MYT1L: variants seen among roughly 807,000 people sequenced by gnomAD.
The protein encoded by MYT1L is myelin transcription factor 1 like.
MYT1L carries 12 observed loss-of-function variants against 126.7 expected under a neutral mutation model. The ratio of observed to expected loss-of-function variants is 0.09; its 90% CI spans 0.06 to 0.15. MYT1L has a LOEUF of 0.15. Among genes scored for constraint, MYT1L ranks in the 10% least tolerant of loss-of-function variants. MYT1L has a pLI of 1.00. For synonymous variants in MYT1L, 541 were observed against 604.2 expected (o/e 0.90, Z 1.53); for missense variants, 979 against 1,585.2 (o/e 0.62, Z 6.49).
chr2:2,037,067 A>C (rs945815552), intron 4 of MYT1L, among the ~76,000 whole-genome samples: 2 of 152,182 alleles, frequency 1.3e-5, no homozygotes, highest in Non-Finnish European at 2.9e-5. Flanking sequence ...CCCCCCGCTT[A>C]GGGCTGACTC....
At chr2:1,797,872 C>G (rs73913411) in intron 23 of MYT1L, among the ~76,000 whole-genome samples, 1 of 134,404 alleles carries the variant, frequency 7.4e-6, no homozygotes, top group Non-Finnish European at 1.6e-5. Flanking sequence ...GGTCTCCCCC[C>G]ATCCGGCACA....
intron 2 of MYT1L, among the ~76,000 whole-genome samples, chr2:2,249,741 C>A (rs1217168078): frequency 6.6e-6 from 1 of 151,974 alleles, no homozygotes. Flanking sequence ...AAGAGACAAC[C>A]TACAGAAAGG....
At chr2:2,273,969 G>A (rs998826455) in intron 2 of MYT1L, among the ~76,000 whole-genome samples, 1 of 151,980 alleles carries the variant, frequency 6.6e-6, no homozygotes. Context: ...GAACACTAAT[G>A]AAATACTTTT....
chr2:2,033,343 T>C (rs1221226770), intron 4 of MYT1L, among the ~76,000 whole-genome samples: 2 of 143,096 alleles, frequency 1.4e-5, no homozygotes, highest in African/African-American at 5.3e-5. Flanking sequence ...CCTCTCATCC[T>C]GTGGCCCAGA....
chr2:1,962,858 A>C lies in MYT1L; in HGVS notation c.152+16307T>G, dbSNP rs374030102. Among the ~76,000 whole-genome samples the C allele has an allele frequency of 1.8e-4, 28 of 152,210 alleles. No individual in the cohort carries two copies. In the East Asian group the frequency reaches 2.3e-3, roughly 13 times the overall value. ...CATCTGCAGTGACTTCCTCTGCTGA[A>C]GTCTTGAACCCCTCAAAGTCGTCCA... On this transcript the variant is annotated intron_variant, in intron 8 of 24. Transcript: ENST00000647738.
chr2:1,978,348 A>T (rs1256679138), intron 8 of MYT1L, among the ~76,000 whole-genome samples: 1 of 152,198 alleles, frequency 6.6e-6, no homozygotes, highest in Non-Finnish European at 1.5e-5. Flanking sequence ...TAAAAGTAAA[A>T]CATACTTTAG....
intron 3 of MYT1L, among the ~76,000 whole-genome samples, chr2:2,138,159 A>T (rs2083338461): frequency 6.6e-6 from 1 of 152,192 alleles, no homozygotes; most frequent in African/African-American, 2.4e-5. Flanking sequence ...ATCTCACACC[A>T]GTTAGAATGG....
chr2:1,922,794 G>A lies in MYT1L; in HGVS notation c.975C>T (p.Ser325=), dbSNP rs778387197. The A allele has an allele frequency of 3.1e-6, 5 of 1,613,946 alleles. No homozygotes were observed. Among genetic ancestry groups the A allele is most frequent in the Non-Finnish European group, 3.4e-6 (4 of 1,179,898 alleles). ...VEESDEEVCL[S]SLECLRNQCF... ...ACTGATTCCTCAAACACTCCAGACT[G>A]CTCAGACACACCTCCTCATCGCTCT... Residue 325 remains serine (S), a synonymous_variant, in exon 10 of 25, where the codon AGC becomes AGT. Transcript: ENST00000647738. This position sits in a 1 kb window ranked among gnomAD's most constrained non-coding sequence, Gnocchi z 7.4.
chr2:2,211,950 A>G (rs1158410911), intron 2 of MYT1L, among the ~76,000 whole-genome samples: 1 of 152,106 alleles, frequency 6.6e-6, no homozygotes, highest in South Asian at 2.1e-4. Context: ...TATAACTCTC[A>G]TAAATCTATT....
intron 4 of MYT1L, among the ~76,000 whole-genome samples, chr2:2,012,280 G>T (rs1489329032): frequency 1.3e-5 from 2 of 152,166 alleles, no homozygotes; most frequent in Non-Finnish European, 2.9e-5. Flanking sequence ...ATATATATCT[G>T]CCATAAAAAG....
At chr2:1,805,917 A>G (rs1340349502) in intron 22 of MYT1L, among the ~76,000 whole-genome samples, 1 of 152,124 alleles carries the variant, frequency 6.6e-6, no homozygotes, top group Non-Finnish European at 1.5e-5. Flanking sequence ...TTCCACATCT[A>G]CAGCAAGGGC....
intron 1 of MYT1L, among the ~76,000 whole-genome samples, chr2:2,289,773 G>A (rs184173926): frequency 2.8e-4 from 43 of 152,332 alleles, no homozygotes; most frequent in African/African-American, 7.7e-4. Flanking sequence ...TATCTGAGAC[G>A]TTAGGTGAGT....
chr2:1,903,511 A>C (rs572233563), intron 13 of MYT1L, among the ~76,000 whole-genome samples: 26 of 152,320 alleles, frequency 1.7e-4, no homozygotes, highest in Non-Finnish European at 2.8e-4. Flanking sequence ...CTTCGGCAAT[A>C]AAAAAGGACA....
At chr2:1,803,955 C>G (rs545282352) in intron 22 of MYT1L, among the ~76,000 whole-genome samples, 1 of 152,174 alleles carries the variant, frequency 6.6e-6, no homozygotes, top group Non-Finnish European at 1.5e-5. Flanking sequence ...TGCGCCTCGG[C>G]GTGAAGCCCC....
intron 2 of MYT1L, among the ~76,000 whole-genome samples, chr2:2,261,209 T>C (rs2094958142): frequency 6.6e-6 from 1 of 152,154 alleles, no homozygotes; most frequent in Non-Finnish European, 1.5e-5. Flanking sequence ...TCTCCAACTT[T>C]TTTGTTTCAC....
intron 2 of MYT1L, among the ~76,000 whole-genome samples, chr2:2,239,590 G>C (rs941559564): frequency 6.6e-6 from 1 of 152,220 alleles, no homozygotes; most frequent in African/African-American, 2.4e-5. Flanking sequence ...TTACATGGGG[G>C]ATAGGCTCTG....
Position 1,806,292 on chromosome 2 carries a change from T to C in MYT1L, c.3172+2784A>G, listed in dbSNP as rs1398035747. ...ACCTGTTCTCCCAGTGACCTGCAGC[T>C]CCTCTTTTTTACCCATGGACGTGCG... On this transcript the variant is annotated intron_variant, in intron 22 of 24. Transcript: ENST00000647738. This position sits in a 1 kb window ranked among gnomAD's most constrained non-coding sequence, Gnocchi z 4.9. 6.6e-6 allele frequency among the ~76,000 whole-genome samples: 1 copy of C among 152,134 alleles called. No homozygotes were observed. Among genetic ancestry groups the C allele is most frequent in the South Asian group, 2.1e-4 (1 of 4,826 alleles).
At chr2:2,182,137 T>C (rs1344646189) in intron 2 of MYT1L, among the ~76,000 whole-genome samples, 1 of 150,534 alleles carries the variant, frequency 6.6e-6, no homozygotes, top group African/African-American at 2.4e-5. Flanking sequence ...GACCGCACTG[T>C]GTCTTGGAAC....
chr2:2,278,841 C>T (rs2095406445), intron 2 of MYT1L, among the ~76,000 whole-genome samples: 2 of 152,152 alleles, frequency 1.3e-5, no homozygotes, highest in Non-Finnish European at 2.9e-5. Context: ...GATAAAGTGT[C>T]CCCTTGAGCC....
Sources: gnomAD v4.1 joint callset for allele counts (sites outside exome capture counted in the v4.1 genomes callset) on GRCh38, gnomAD v4.1.1 for gene constraint, Gnocchi (gnomAD v3.1) non-coding constraint, MANE v1.5 for transcripts, NCBI Gene and HGNC (gene_info 2026-07-23, HGNC 2026-07-21) for gene names.